Variants in PRRX2 observed in about 807,000 individuals in gnomAD.
The protein encoded by PRRX2 is paired related homeobox 2.
Under a neutral mutation model 18.0 loss-of-function variants are expected in PRRX2, and 11 were observed. The ratio of observed to expected loss-of-function variants is 0.61; its 90% CI spans 0.39 to 1.01. The LOEUF is 1.01. Ranked by LOEUF, PRRX2 falls within the 50% of genes least tolerant of loss-of-function variation. The pLI is 0.01. For missense variants in PRRX2, 387 were observed against 351.0 expected, an observed-to-expected ratio of 1.10 and a Z score of -0.82; for synonymous variants, 177 against 154.8, an observed-to-expected ratio of 1.14 and a Z score of -1.06.
intron 1 of PRRX2, among the ~76,000 whole-genome samples, chr9:129,677,790 G>A (rs752591899): frequency 4.6e-5 from 7 of 152,172 alleles, no homozygotes; most frequent in African/African-American, 1.7e-4. Flanking sequence ...GGCTCAAAGC[G>A]GGAAATTGCT....
At chr9:129,718,816 G>A (rs1588177325) in intron 1 of PRRX2, among the ~76,000 whole-genome samples, 2 of 152,168 alleles carry the variant, frequency 1.3e-5, no homozygotes, top group Admixed American at 6.5e-5. Flanking sequence ...TGCAGAATGT[G>A]CCATGCCCCA....
intron 1 of PRRX2, 22 bp from the exon 2 acceptor site, chr9:129,719,209 C>T (rs754586483): frequency 2.0e-6 from 3 of 1,536,754 alleles, no homozygotes; most frequent in Non-Finnish European, 2.6e-6. Flanking sequence ...TGCTGACCAT[C>T]CCGCCCCCCC....
chr9:129,682,226 G>A (rs1832241580), intron 1 of PRRX2, among the ~76,000 whole-genome samples: 1 of 152,082 alleles, frequency 6.6e-6, no homozygotes, highest in South Asian at 2.1e-4. Context: ...AGGTGGGGAC[G>A]GTGACAGCAC....
At chr9:129,672,374 C>T (rs1832110431) in intron 1 of PRRX2, among the ~76,000 whole-genome samples, 1 of 152,146 alleles carries the variant, frequency 6.6e-6, no homozygotes, top group Non-Finnish European at 1.5e-5. Context: ...TCCTGCCAGC[C>T]GTGTGAAGCC....
At position 129,665,929 on chromosome 9, in the gene PRRX2, C is replaced by T; in HGVS notation, c.62C>T (p.Pro21Leu). ...DKPALGPGPP[P>L]PPPALGPGDC... ...CCGGCGCTGGGCCCGGGGCCGCCGC[C>T]GCCTCCACCCGCGCTGGGGCCCGGC... The change falls in exon 1 of 4, where the codon CCG becomes CTG. Residue 21 changes from proline (P) to leucine (L), a missense_variant. Transcript: ENST00000372469. The surrounding 1 kb of genome is among the most constrained non-coding windows in gnomAD (Gnocchi z 5.3). The T allele has an allele frequency of 8.9e-7, 1 of 1,117,820 alleles. No individual in the cohort carries two copies. The highest frequency in any genetic ancestry group is 2.6e-5 in the South Asian group (1 of 38,722). The allele number at this position is 1,117,820 out of a possible 1,614,324, so 69.2% of individuals were successfully genotyped here. A position where few individuals can be genotyped will look rare whatever the true frequency, so the allele number is the denominator to read the frequency against.
chr9:129,701,475 T>C (rs1219868407), intron 1 of PRRX2, among the ~76,000 whole-genome samples: 1 of 152,182 alleles, frequency 6.6e-6, no homozygotes, highest in Non-Finnish European at 1.5e-5. Flanking sequence ...AGAACCAGAA[T>C]GCAGCTATTT....
rs773183325 is a variant in PRRX2, at chr9:129,722,318, G to C, written c.728G>C (p.Ser243Thr). Residue 243 changes from serine to threonine, a missense_variant, in exon 4 of 4, where the codon AGC (serine) becomes ACC (threonine). Ser to Thr is a moderately conservative substitution (Grantham distance 58, BLOSUM62 1). Transcript: ENST00000372469. ...CTCCGTCTCAAGGCCAAGGAGTTCA[G>C]CCTGCACCACAGCCAGGTGCCTACG... ...ASLRLKAKEF[S>T]LHHSQVPTVN 6.2e-7 allele frequency: 1 copy of C among 1,614,028 alleles called. No individual in the cohort carries two copies. The highest frequency in any genetic ancestry group is 8.5e-7 in the Non-Finnish European group (1 of 1,180,006).
chr9:129,721,973 C>G (rs1056487480), intron 3 of PRRX2, among the ~76,000 whole-genome samples: 3 of 152,242 alleles, frequency 2.0e-5, no homozygotes, highest in African/African-American at 7.2e-5. Context: ...GGGCATGGAC[C>G]AACCCAGGCC....
chr9:129,693,793 A>T (rs1237421567), intron 1 of PRRX2, among the ~76,000 whole-genome samples: 1 of 152,202 alleles, frequency 6.6e-6, no homozygotes, highest in Non-Finnish European at 1.5e-5. Context: ...GCAATGCCAC[A>T]TTGCTGCTTG....
chr9:129,716,770 G>C (rs1832713543), intron 1 of PRRX2, among the ~76,000 whole-genome samples: 1 of 151,960 alleles, frequency 6.6e-6, no homozygotes, highest in African/African-American at 2.4e-5. Flanking sequence ...GCTTTCTTTT[G>C]ATAGAAGAAA....
chr9:129,666,877 T>C (rs1429474078), intron 1 of PRRX2, among the ~76,000 whole-genome samples: 4 of 152,142 alleles, frequency 2.6e-5, no homozygotes, highest in African/African-American at 9.7e-5. Flanking sequence ...CCCGGTGATC[T>C]GAAACCAGGC....
chr9:129,668,502 G>A (rs1832055982), intron 1 of PRRX2, among the ~76,000 whole-genome samples: 1 of 152,140 alleles, frequency 6.6e-6, no homozygotes, highest in South Asian at 2.1e-4. Flanking sequence ...GTCTGGCCGG[G>A]GGCGGTGGCT....
chr9:129,694,124 T>C (rs1196357407), intron 1 of PRRX2, among the ~76,000 whole-genome samples: 1 of 152,128 alleles, frequency 6.6e-6, no homozygotes, highest in Non-Finnish European at 1.5e-5. Flanking sequence ...AATGACACCA[T>C]GAGCCAGCCC....
chr9:129,719,203 G>T (rs1444293838), intron 1 of PRRX2, 28 bp from the exon 2 acceptor site: 3 of 1,526,006 alleles, frequency 2.0e-6, no homozygotes, highest in South Asian at 1.3e-5. Flanking sequence ...CCGTCCTGCT[G>T]ACCATCCCGC....
intron 1 of PRRX2, among the ~76,000 whole-genome samples, chr9:129,678,252 C>G (rs1832185547): frequency 6.6e-6 from 1 of 152,212 alleles, no homozygotes; most frequent in Non-Finnish European, 1.5e-5. Context: ...GCGTGAGCCA[C>G]TGTGCCCAGC....
In PRRX2 at chr9:129,715,750, TCACACACACACACACA is replaced by T. The variant is rs58405360; in HGVS notation, c.260-3453_260-3438del. Among the ~76,000 whole-genome samples, 57 of 138,952 alleles carry T rather than the reference TCACACACACACACACA, an allele frequency of 4.1e-4. No individual in the cohort carries two copies. The highest frequency in any genetic ancestry group is 1.1e-3 in the African/African-American group (41 of 36,916). The allele number at this position is 138,952 out of a possible 152,430, so 91.2% of individuals were successfully genotyped here. Reference sequence around the variant, plus strand: ...AAACCCAGCTTCAGGGACATCTTTCTCACACACACACACACACACACACACACACACACACACACAC... The same window carrying T: ...AAACCCAGCTTCAGGGACATCTTTCTCACACACACACACACACACACACAC... On this transcript the variant is annotated intron_variant, in intron 1 of 3. Transcript: ENST00000372469. This position sits in a 1 kb window ranked among gnomAD's most constrained non-coding sequence, Gnocchi z 4.0.
intron 1 of PRRX2, among the ~76,000 whole-genome samples, chr9:129,707,953 A>G (rs939104542): frequency 1.3e-5 from 2 of 152,182 alleles, no homozygotes; most frequent in African/African-American, 4.8e-5. Flanking sequence ...TGTTTTCCAC[A>G]GCAGCTGTAC....
rs58405360 is a variant in PRRX2, at chr9:129,715,750, TCACACACACACACACACACACACACACA to T, written c.260-3465_260-3438del. On this transcript the variant is annotated intron_variant, in intron 1 of 3. Coordinates refer to ENST00000372469, the MANE Select transcript of PRRX2 (RefSeq NM_016307.4). The surrounding 1 kb of genome is among the most constrained non-coding windows in gnomAD (Gnocchi z 4.0). ...AAACCCAGCTTCAGGGACATCTTTC[TCACACACACACACACACACACACACACA>T]CACACACACACACACTCATTTACAG... is the stretch of plus-strand genomic sequence containing the variant. Among the ~76,000 whole-genome samples, 29 of 138,952 alleles carry T rather than the reference TCACACACACACACACACACACACACACA, an allele frequency of 2.1e-4. No individual in the cohort carries two copies. The East Asian group carries it at 2.5e-3, about 12-fold the overall frequency. The allele number at this position is 138,952 out of a possible 152,430, so 91.2% of individuals were successfully genotyped here. A position where few individuals can be genotyped will look rare whatever the true frequency, so the allele number is the denominator to read the frequency against.
rs563672648 is a variant in PRRX2, at chr9:129,666,579, C to CG, written c.259+453_259+454insG. The stretch of plus-strand genomic sequence containing the variant: ...GGCGAGGGTGCCTGCCCACCCCCCC[C>CG]CACCCTCCAGTTTGCCCCGGGAGCA... On this transcript the variant is annotated intron_variant, in intron 1 of 3. Transcript: ENST00000372469. 2.6e-4 allele frequency among the ~76,000 whole-genome samples: 38 copies of CG among 144,130 alleles called. 1 individual carries two copies. In the South Asian group the frequency reaches 9.5e-3, roughly 36 times the overall value. The allele number at this position is 144,130 out of a possible 152,430, so 94.6% of individuals were successfully genotyped here.
Sources: allele counts gnomAD v4.1 joint callset (sites outside exome capture counted in the v4.1 genomes callset), GRCh38; gene constraint gnomAD v4.1.1; non-coding constraint Gnocchi (gnomAD v3.1); transcripts MANE v1.5; gene names NCBI Gene and HGNC (gene_info 2026-07-23, HGNC 2026-07-21).